Variants in UBN1 observed in about 807,000 individuals in gnomAD.
UBN1 encodes ubinuclein 1.
A neutral mutation model predicts 108.5 loss-of-function variants in UBN1; 17 were observed. The observed-to-expected ratio is 0.16, with a 90% confidence interval of 0.11 to 0.24. The LOEUF is 0.24. Ranked by LOEUF, UBN1 falls within the 10% of genes least tolerant of loss-of-function variation. UBN1 has a pLI of 1.00. For missense variants in UBN1, 1,595 were observed against 1,394.4 expected (o/e 1.14, Z -2.29); for synonymous variants, 726 against 564.2 (o/e 1.29, Z -4.07).
Position 4,872,739 on chromosome 16 carries a change from G to A in UBN1, c.1707-145G>A. The A allele has an allele frequency of 3.3e-6, 3 of 920,250 alleles. No homozygotes were observed. The Admixed American group carries it at 7.0e-5, about 22-fold the overall frequency. 57.0% of individuals were successfully genotyped at this position (920,250 alleles called of 1,614,324 possible). On this transcript the variant is annotated intron_variant, in intron 12 of 17. Coordinates refer to ENST00000262376, the MANE Select transcript of UBN1 (RefSeq NM_001079514.3). Reference sequence around the variant, plus strand: ...CTGCCTTGGCCTCCAAAAGTGCTGGGATTACAGGCGTGAGCCACTGCGCCT... The same window carrying A: ...CTGCCTTGGCCTCCAAAAGTGCTGGAATTACAGGCGTGAGCCACTGCGCCT...
chr16:4,853,248 A>G (rs536647790), intron 2 of UBN1, 82 bp downstream of exon 2: 1 of 1,528,506 alleles, frequency 6.5e-7, no homozygotes, highest in East Asian at 2.3e-5. Context: ...GTAGCGGGGA[A>G]GCAAGACTTA....
At position 4,870,523 on chromosome 16, in the gene UBN1, G is replaced by A. The variant is rs374477833; in HGVS notation, c.1319G>A (p.Arg440His). Residue 440 changes from arginine (R) to histidine (H), a missense_variant, in exon 10 of 18, where the codon CGT (arginine) becomes CAT (histidine). Transcript: ENST00000262376. ...GTGTCCCGCTCTTCGCAGGGGGGCC[G>A]TCTGAAGGAGCCTCTCCAGAAGCTC... ...RKLHLYEQGG[R>H]LKEPLQKLKE... 35 of 1,614,108 alleles carry A rather than the reference G, an allele frequency of 2.2e-5. No individual in the cohort carries two copies. Among genetic ancestry groups the A allele is most frequent in the Middle Eastern group, 3.3e-4 (2 of 6,084 alleles).
At chr16:4,873,384 G>A (rs1401591664) in intron 14 of UBN1, among the ~76,000 whole-genome samples, 1 of 152,170 alleles carries the variant, frequency 6.6e-6, no homozygotes, top group East Asian at 1.9e-4. Flanking sequence ...TGTGATCTTT[G>A]TATGGAAGAA....
At chr16:4,860,313 C>T (rs575667100) in intron 6 of UBN1, among the ~76,000 whole-genome samples, 1 of 152,340 alleles carries the variant, frequency 6.6e-6, no homozygotes, top group South Asian at 2.1e-4. Flanking sequence ...CTCACCCCAG[C>T]TTCTCTTCAA....
At chr16:4,853,650 C>T (rs867680442) in intron 2 of UBN1, among the ~76,000 whole-genome samples, 12 of 151,774 alleles carry the variant, frequency 7.9e-5, no homozygotes, top group South Asian at 2.1e-4. Context: ...CTCCGCCTCC[C>T]GAGTTCAAGT....
chr16:4,856,791 A>G (rs1442542709), intron 2 of UBN1, among the ~76,000 whole-genome samples: 1 of 152,242 alleles, frequency 6.6e-6, no homozygotes, highest in East Asian at 1.9e-4. Flanking sequence ...ATTGTAGAAA[A>G]ATTAGAAGAT....
chr16:4,871,576 C>CTTTTTTTTT (rs35865064), intron 12 of UBN1, among the ~76,000 whole-genome samples: 2 of 88,426 alleles, frequency 2.3e-5, no homozygotes, highest in Non-Finnish European at 4.2e-5. Flanking sequence ...ATGCACTTTC[C>CTTTTTTTTT]TTTTTTTTTT....
chr16:4,854,414 G>A (rs1318270809), intron 2 of UBN1, among the ~76,000 whole-genome samples: 1 of 147,614 alleles, frequency 6.8e-6, no homozygotes, highest in Non-Finnish European at 1.5e-5. Flanking sequence ...TGCAATCTTG[G>A]CTCACTGCAA....
rs571330684 is a variant in UBN1, at chr16:4,856,106, C to T, written c.250-1884C>T. On this transcript the variant is annotated intron_variant, in intron 2 of 17. Transcript: ENST00000262376. ...TCCTGTTTCAGGAAAATGGTATCTTCTTCCTTTAGAGGAAGAGACAGGAGC... is the reference window on the plus strand; with the variant it reads ...TCCTGTTTCAGGAAAATGGTATCTTTTTCCTTTAGAGGAAGAGACAGGAGC... Among the ~76,000 whole-genome samples, 10 of 152,330 alleles carry T rather than the reference C, an allele frequency of 6.6e-5. No individual in the cohort carries two copies. The East Asian group carries it at 1.7e-3, about 26-fold the overall frequency.
intron 15 of UBN1, 119 bp downstream of exon 15, chr16:4,875,553 G>A: frequency 7.1e-7 from 1 of 1,399,480 alleles, no homozygotes; most frequent in South Asian, 1.4e-5. Flanking sequence ...TAGGAACAGT[G>A]GGCTCAGACG....
chr16:4,869,349 C>A (rs900266590), intron 8 of UBN1, among the ~76,000 whole-genome samples: 2 of 152,234 alleles, frequency 1.3e-5, no homozygotes, highest in Non-Finnish European at 2.9e-5. Context: ...CCTAGTGCCA[C>A]GTGCATCATC....
At position 4,872,884 on chromosome 16, in the gene UBN1, A is replaced by G. The variant is rs929085549; in HGVS notation, c.1707A>G (p.Arg569=). ...ATGCCTGGTGTTCTGTGTCTTTCAG[A>G]ACTCTGTTTAAGGAGAGCAGACGAG... ...PLWPKGWMQA[R]TLFKESRRGH... Residue 569 remains arginine (R), a splice_region_variant and synonymous_variant, in exon 13 of 18, where the codon AGA becomes AGG. Coordinates refer to ENST00000262376, the MANE Select transcript of UBN1 (RefSeq NM_001079514.3). 1 of 1,614,064 alleles carries G rather than the reference A, an allele frequency of 6.2e-7. No homozygotes were observed. Among genetic ancestry groups the G allele is most frequent in the African/African-American group, 1.3e-5 (1 of 74,924 alleles).
At position 4,881,526 on chromosome 16, in the gene UBN1, C is replaced by T. The variant is rs1361602837; in HGVS notation, c.*1394C>T. 1 of 152,220 alleles carries T rather than the reference C, an allele frequency of 6.6e-6. No homozygotes were observed. Among genetic ancestry groups the T allele is most frequent in the Non-Finnish European group, 1.5e-5 (1 of 68,062 alleles). The allele number at this position is 152,220 out of a possible 1,614,324, so 9.4% of individuals were successfully genotyped here. ...TTGAGAGTATACGGTGTCCTCAGCA[C>T]ATACACCTGTGGGAAAACGGACCGC... is the stretch of plus-strand genomic sequence containing the variant. On this transcript the variant is annotated 3_prime_UTR_variant, in exon 18 of 18. Transcript: ENST00000262376.
rs2088051585 is a variant in UBN1 at position 4,880,686 on chromosome 16, C to A, written c.*554C>A. On this transcript the variant is annotated 3_prime_UTR_variant, in exon 18 of 18. Coordinates refer to ENST00000262376, the MANE Select transcript of UBN1 (RefSeq NM_001079514.3). ...ACTAAGAACACCTAGGGTGTGCTCA[C>A]TGTGGGGGCCAGTTTCTCCTCGGAA... 6.5e-6 allele frequency: 1 copy of A among 152,966 alleles called. No homozygotes were observed. The highest frequency in any genetic ancestry group is 1.5e-5 in the Non-Finnish European group (1 of 68,532). 9.5% of individuals were successfully genotyped at this position (152,966 alleles called of 1,614,324 possible).
chr16:4,877,475 G>A lies in UBN1; in HGVS notation c.3355+1G>A, dbSNP rs781150619. 1 of 1,608,810 alleles carries A rather than the reference G, an allele frequency of 6.2e-7. No homozygotes were observed. The highest frequency in any genetic ancestry group is 1.1e-5 in the South Asian group (1 of 90,862). ...ACCCATATCCCGCAGAGTCTGCCAG[G>A]TAATCACCCGACGGTCAGTGTGCCA... On this transcript the variant is annotated splice_donor_variant, in intron 17 of 17. Coordinates refer to ENST00000262376, the MANE Select transcript of UBN1 (RefSeq NM_001079514.3). LOFTEE classifies it high-confidence loss of function. This position sits in a 1 kb window ranked among gnomAD's most constrained non-coding sequence, Gnocchi z 4.3.
chr16:4,862,849 C>T (rs1463934577), intron 7 of UBN1, among the ~76,000 whole-genome samples: 1 of 152,258 alleles, frequency 6.6e-6, no homozygotes, highest in African/African-American at 2.4e-5. Flanking sequence ...GCTGCCCCTC[C>T]TCAGTGATTG....
At chr16:4,870,727 T>G in intron 10 of UBN1, 93 bp downstream of exon 10, 1 of 1,585,134 alleles carries the variant, frequency 6.3e-7, no homozygotes. Flanking sequence ...CCAAGGAGCC[T>G]CTTGGCTCTT....
chr16:4,858,704 C>T (rs2086917518), intron 4 of UBN1, 41 bp downstream of exon 4: 2 of 1,588,746 alleles, frequency 1.3e-6, no homozygotes, highest in South Asian at 2.2e-5. Flanking sequence ...CCCACTGTAC[C>T]TGTAGCTCCT....
intron 7 of UBN1, among the ~76,000 whole-genome samples, chr16:4,867,504 C>CT (rs2087394513): frequency 6.6e-6 from 1 of 152,140 alleles, no homozygotes; most frequent in African/African-American, 2.4e-5. Flanking sequence ...CAGGCGTTGA[C>CT]TGTAATTGGG....
Sources: gnomAD v4.1 joint callset for allele counts (sites outside exome capture counted in the v4.1 genomes callset) on GRCh38, gnomAD v4.1.1 for gene constraint, Gnocchi (gnomAD v3.1) non-coding constraint, MANE v1.5 for transcripts, NCBI Gene and HGNC (gene_info 2026-07-23, HGNC 2026-07-21) for gene names.